Variants in REEP1 observed in about 807,000 individuals in gnomAD.
The protein encoded by REEP1 is receptor accessory protein 1.
Under a neutral mutation model 40.3 loss-of-function variants are expected in REEP1, and 22 were observed. The observed-to-expected ratio is 0.55, with a 90% CI of 0.39 to 0.78. REEP1 has a LOEUF of 0.78. Ranked by LOEUF, REEP1 falls within the 30% of genes least tolerant of loss-of-function variation. The pLI is 0.00. For synonymous variants in REEP1, 116 were observed against 139.2 expected (o/e 0.83, Z 1.17); for missense variants, 280 against 361.1 (o/e 0.78, Z 1.82).
chr2:86,302,946 C>T (rs944909338), intron 1 of REEP1, among the ~76,000 whole-genome samples: 1 of 152,328 alleles, frequency 6.6e-6, no homozygotes, highest in African/African-American at 2.4e-5. Context: ...GACAGTCCTG[C>T]ATCTCACTGA....
intron 1 of REEP1, among the ~76,000 whole-genome samples, chr2:86,314,833 C>T (rs1290525654): frequency 6.6e-6 from 1 of 150,672 alleles, no homozygotes; most frequent in Non-Finnish European, 1.5e-5. Flanking sequence ...GCTGGGACTA[C>T]AGGCATGCGC....
chr2:86,260,589 A>T (rs1235525147), intron 3 of REEP1, among the ~76,000 whole-genome samples: 1 of 152,238 alleles, frequency 6.6e-6, no homozygotes, highest in South Asian at 2.1e-4. Context: ...GATCCTCCCT[A>T]ACTGGTGGCA....
At chr2:86,255,822 A>G (rs974750693) in intron 3 of REEP1, among the ~76,000 whole-genome samples, 1 of 152,188 alleles carries the variant, frequency 6.6e-6, no homozygotes, top group Non-Finnish European at 1.5e-5. Flanking sequence ...AACTGGAAGC[A>G]GTTCTGTGGC....
chr2:86,232,701 C>T lies in REEP1; in HGVS notation c.519G>A (p.Pro173=), dbSNP rs376647453. 4.7e-5 allele frequency: 75 copies of T among 1,611,520 alleles called. No individual in the cohort carries two copies. In the African/African-American group the frequency reaches 6.9e-4, roughly 15 times the overall value. Residue 173 remains proline, a synonymous_variant, in exon 6 of 9, where the codon CCG becomes CCA. Coordinates refer to ENST00000538924, the MANE Select transcript of REEP1 (RefSeq NM_001371279.1). ...GTTTGCCGCTGGCCCGCCCAGACCC[C>T]GGTGGTGGGGGGCCCGAGGGAGCAG... ...GAPAPSGPPP[P]GSGRASGKHG...
At chr2:86,244,200 T>G (rs1675812421) in intron 5 of REEP1, among the ~76,000 whole-genome samples, 1 of 152,198 alleles carries the variant, frequency 6.6e-6, no homozygotes, top group African/African-American at 2.4e-5. Flanking sequence ...CTTCCTCAAA[T>G]GAGCTTTTGA....
chr2:86,331,498 T>C (rs1237312625), intron 1 of REEP1, among the ~76,000 whole-genome samples: 2 of 151,428 alleles, frequency 1.3e-5, no homozygotes, highest in African/African-American at 4.9e-5. Flanking sequence ...AGGCAGACTT[T>C]GAGCTGTGAT....
chr2:86,275,961 C>T (rs888044879), intron 2 of REEP1, among the ~76,000 whole-genome samples: 3 of 152,132 alleles, frequency 2.0e-5, no homozygotes, highest in African/African-American at 7.2e-5. Flanking sequence ...CATTGTTGGC[C>T]CAACGCTTAT....
At chr2:86,292,514 A>G (rs1279875501) in intron 1 of REEP1, among the ~76,000 whole-genome samples, 2 of 152,096 alleles carry the variant, frequency 1.3e-5, no homozygotes, top group Non-Finnish European at 2.9e-5. Context: ...AAGAAGAGAG[A>G]AGATTCACTT....
intron 5 of REEP1, among the ~76,000 whole-genome samples, chr2:86,238,834 C>G (rs1675504590): frequency 6.6e-6 from 1 of 152,142 alleles, no homozygotes; most frequent in South Asian, 2.1e-4. Context: ...TAGTATTTGT[C>G]ACCACTGAGA....
chr2:86,319,444 A>G (rs1680180306), intron 1 of REEP1, among the ~76,000 whole-genome samples: 1 of 96,152 alleles, frequency 1.0e-5, no homozygotes, highest in South Asian at 3.2e-4. Flanking sequence ...TTGGCGGGGC[A>G]GAGTGGCTCA....
chr2:86,224,379 C>T (rs1010239), intron 7 of REEP1, among the ~76,000 whole-genome samples: 45,997 of 152,136 alleles, frequency 0.3, 8,222 homozygotes, highest in East Asian at 0.59. Flanking sequence ...CAGACCTCCC[C>T]CAACACCATC....
At chr2:86,241,318 A>G (rs1003018602) in intron 5 of REEP1, among the ~76,000 whole-genome samples, 1 of 152,264 alleles carries the variant, frequency 6.6e-6, no homozygotes, top group African/African-American at 2.4e-5. Context: ...AGCTCTAATT[A>G]TACTGGTGTG....
chr2:86,236,981 G>A (rs10206710), intron 5 of REEP1, among the ~76,000 whole-genome samples: 60,947 of 152,082 alleles, frequency 0.4, 14,279 homozygotes, highest in Non-Finnish European at 0.54. Context: ...TAATCCGCCC[G>A]CCTTGGCCTC....
intron 6 of REEP1, among the ~76,000 whole-genome samples, chr2:86,232,261 G>A (rs1675061801): frequency 1.3e-5 from 2 of 152,196 alleles, no homozygotes; most frequent in African/African-American, 2.4e-5. Context: ...ATGCCTCCCC[G>A]GAGTCTGAGA....
intron 1 of REEP1, among the ~76,000 whole-genome samples, chr2:86,299,049 T>C (rs916435218): frequency 2.0e-5 from 3 of 152,182 alleles, no homozygotes; most frequent in Non-Finnish European, 4.4e-5. Context: ...AAAGATACCA[T>C]TGTTCCCTAC....
At chr2:86,281,415 G>C (rs1346826338) in intron 2 of REEP1, among the ~76,000 whole-genome samples, 1 of 152,176 alleles carries the variant, frequency 6.6e-6, no homozygotes, top group Non-Finnish European at 1.5e-5. Flanking sequence ...AGATCACGAG[G>C]TCAGGAGTTC....
At chr2:86,284,210 C>T (rs1678257951) in intron 1 of REEP1, among the ~76,000 whole-genome samples, 2 of 152,082 alleles carry the variant, frequency 1.3e-5, no homozygotes, top group Non-Finnish European at 2.9e-5. Flanking sequence ...CTCACTTCCT[C>T]GGGGAGGCCT....
At chr2:86,316,295 T>C (rs1680004328) in intron 1 of REEP1, among the ~76,000 whole-genome samples, 1 of 152,014 alleles carries the variant, frequency 6.6e-6, no homozygotes. Flanking sequence ...TCCTAGCACT[T>C]TGGGAGGCTG....
At chr2:86,293,339 C>A (rs1055526377) in intron 1 of REEP1, among the ~76,000 whole-genome samples, 5 of 152,168 alleles carry the variant, frequency 3.3e-5, no homozygotes, top group African/African-American at 1.2e-4. Context: ...GCAGGCAAAG[C>A]TGCGTGTGCT....
Sources: allele counts gnomAD v4.1 joint callset (sites outside exome capture counted in the v4.1 genomes callset), GRCh38; gene constraint gnomAD v4.1.1; transcripts MANE v1.5; gene names NCBI Gene and HGNC (gene_info 2026-07-23, HGNC 2026-07-21).